SPPL2B: variants seen among roughly 807,000 people sequenced by gnomAD.
SPPL2B encodes the protein signal peptide peptidase like 2B.
In SPPL2B, 39 loss-of-function variants were observed where a neutral mutation model predicts 59.7. The observed-to-expected ratio is 0.65, with a 90% CI of 0.51 to 0.85. SPPL2B has a LOEUF of 0.85. Among genes scored for constraint, SPPL2B ranks in the 40% least tolerant of loss-of-function variants. The probability of loss-of-function intolerance (pLI) is 0.00; values close to 1 mark genes in which losing one functional copy is unlikely to be tolerated. For missense variants in SPPL2B, 865 were observed against 849.0 expected (o/e 1.02, Z -0.23); for synonymous variants, 419 against 370.8 (o/e 1.13, Z -1.49).
In SPPL2B at chr19:2,337,577, C is replaced by T. The variant is rs377050290; in HGVS notation, c.321C>T (p.Ala107=). The T allele has an allele frequency of 8.5e-5, 137 of 1,608,236 alleles. No individual in the cohort carries two copies. Among genetic ancestry groups the T allele is most frequent in the South Asian group, 2.5e-4 (23 of 90,792 alleles). Residue 107 remains alanine, a synonymous_variant, in exon 3 of 15, where the codon GCC becomes GCT. Coordinates refer to ENST00000613503, the MANE Select transcript of SPPL2B (RefSeq NM_152988.3). ...NCTFYEKVRL[A]QGSGARGLLI... Reference sequence around the variant, plus strand: ...CCTTCTATGAGAAAGTGAGGCTGGCCCAGGGCAGCGGAGCACGCGGGCTGC... The same window carrying T: ...CCTTCTATGAGAAAGTGAGGCTGGCTCAGGGCAGCGGAGCACGCGGGCTGC...
intron 2 of SPPL2B, among the ~76,000 whole-genome samples, chr19:2,335,110 A>G (rs185829826): frequency 5.0e-4 from 76 of 152,060 alleles, no homozygotes; most frequent in African/African-American, 1.8e-3. Flanking sequence ...GGGCACTAAC[A>G]CCTGCTGCTG....
rs587638484 is a variant in SPPL2B at position 2,340,152 on chromosome 19, G to T, written c.819G>T (p.Arg273=). 0.013 allele frequency: 20,264 copies of T among 1,575,588 alleles called. 2,146 individuals are homozygous for T. In the African/African-American group the frequency reaches 0.23, roughly 18 times the overall value. Reference sequence around the variant, plus strand: ...GCTGCCTGGCGCCCTGTGTGCGGCGGCTGCCCTTCGGCAAGTGCAGGTGAG... The same window carrying T: ...GCTGCCTGGCGCCCTGTGTGCGGCGTCTGCCCTTCGGCAAGTGCAGGTGAG... ...LYSCLAPCVR[R]LPFGKCRIPN... Residue 273 remains arginine, a synonymous_variant, in exon 7 of 15, where the codon CGG becomes CGT. Coordinates refer to ENST00000613503, the MANE Select transcript of SPPL2B (RefSeq NM_152988.3).
At chr19:2,333,479 C>T (rs971981729) in intron 1 of SPPL2B, among the ~76,000 whole-genome samples, 1 of 152,180 alleles carries the variant, frequency 6.6e-6, no homozygotes, top group Non-Finnish European at 1.5e-5. Flanking sequence ...TTGTGGAATC[C>T]GTCTTTCCTC....
chr19:2,333,505 T>A (rs1968399691), intron 1 of SPPL2B, among the ~76,000 whole-genome samples: 1 of 152,186 alleles, frequency 6.6e-6, no homozygotes, highest in Admixed American at 6.5e-5. Context: ...TCCATCCTGC[T>A]CTGTTAAGCA....
At position 2,352,987 on chromosome 19, in the gene SPPL2B, C is replaced by T. The variant is rs758182651; in HGVS notation, c.1557C>T (p.Asp519=). Reference sequence around the variant, plus strand: ...CTCCGTGGGCCCCAGCACCAGCCGACGGCCCGCAGCCTCCCAAAGACTCTG... The same window carrying T: ...CTCCGTGGGCCCCAGCACCAGCCGATGGCCCGCAGCCTCCCAAAGACTCTG... The part of the protein sequence containing the change: ...PPSPWAPAPA[D]GPQPPKDSAT... Residue 519 remains aspartate (D), a synonymous_variant, in exon 15 of 15, where the codon GAC becomes GAT. Transcript: ENST00000613503. The T allele has an allele frequency of 1.1e-5, 18 of 1,612,098 alleles. No individual in the cohort carries two copies. The highest frequency in any genetic ancestry group is 2.7e-5 in the African/African-American group (2 of 74,906).
rs372179394 is a variant in SPPL2B, at chr19:2,352,937, C to A, written c.1516-9C>A. 6 of 1,612,056 alleles carry A rather than the reference C, an allele frequency of 3.7e-6. No individual in the cohort carries two copies. The highest frequency in any genetic ancestry group is 4.2e-6 in the Non-Finnish European group (5 of 1,179,638). The stretch of plus-strand genomic sequence containing the variant: ...TCTCCGCCTCACCTCTGCCTCCCTT[C>A]TCCTGTAGAAAGTCCTACCTCCATC... On this transcript the variant is annotated splice_polypyrimidine_tract_variant and intron_variant, in intron 14 of 14. Coordinates refer to ENST00000613503, the MANE Select transcript of SPPL2B (RefSeq NM_152988.3).
At chr19:2,339,796 G>GCCCCACGA (rs1968905077) in intron 5 of SPPL2B, 28 bp from the exon 6 acceptor site, 2 of 1,596,496 alleles carry the variant, frequency 1.3e-6, no homozygotes, top group Non-Finnish European at 1.7e-6. Flanking sequence ...CGGCCCCAGG[G>GCCCCACGA]CCCCACGACC....
At position 2,344,611 on chromosome 19, in the gene SPPL2B, G is replaced by T. The variant is rs767917138; in HGVS notation, c.1235G>T (p.Arg412Leu). ...TCCTCACCTCTGGCCCTGTGTGACC[G>T]GCCCTTCTCCCTCCTGGGTTTCGGA... The part of the protein sequence containing the change: ...LNSSPLALCD[R>L]PFSLLGFGDI... The change falls in exon 12 of 15, where the codon CGG becomes CTG. Residue 412 changes from arginine to leucine, a missense_variant. By Grantham distance (102) the Arg-to-Leu change is moderately radical (BLOSUM62 -2). Coordinates refer to ENST00000613503, the MANE Select transcript of SPPL2B (RefSeq NM_152988.3). The T allele has an allele frequency of 1.9e-6, 3 of 1,613,082 alleles. No homozygotes were observed. In the South Asian group the frequency reaches 3.3e-5, roughly 18 times the overall value.
chr19:2,345,403 C>T, intron 13 of SPPL2B, 73 bp downstream of exon 13: 2 of 1,312,720 alleles, frequency 1.5e-6, no homozygotes, highest in Non-Finnish European at 2.2e-6. Flanking sequence ...CTGTCCTGAC[C>T]CTGACCCCTA....
rs1968915455 is a variant in SPPL2B, at chr19:2,339,901, C to T, written c.677C>T (p.Thr226Ile). Residue 226 changes from threonine to isoleucine, a missense_variant, in exon 6 of 15, where the codon ACC becomes ATC. Physicochemically the swap from Thr to Ile is moderately conservative, Grantham distance 89. Coordinates refer to ENST00000613503, the MANE Select transcript of SPPL2B (RefSeq NM_152988.3). ...GCGGTGGACGTGACGCCGGTGATGA[C>T]CTGCGTGTTTGTGGTGATGTGCTGC... ...DEAVDVTPVM[T>I]CVFVVMCCSM... 8.8e-6 allele frequency: 14 copies of T among 1,582,608 alleles called. No individual in the cohort carries two copies. Among genetic ancestry groups the T allele is most frequent in the Non-Finnish European group, 9.4e-6 (11 of 1,164,444 alleles).
chr19:2,337,358 G>T, intron 2 of SPPL2B, 85 bp from the exon 3 acceptor site: 2 of 1,317,594 alleles, frequency 1.5e-6, no homozygotes, highest in Non-Finnish European at 1.1e-6. Context: ...CTAACTCAGC[G>T]CAGGCTTCAG....
intron 7 of SPPL2B, among the ~76,000 whole-genome samples, 188 bp from the exon 8 acceptor site, chr19:2,340,710 C>T (rs1009030415): frequency 2.6e-5 from 4 of 151,996 alleles, no homozygotes; most frequent in African/African-American, 9.7e-5. Flanking sequence ...AGCGCCTGCC[C>T]GGGTCGGGCT....
chr19:2,339,670 G>A, intron 5 of SPPL2B, 154 bp from the exon 6 acceptor site: 1 of 814,740 alleles, frequency 1.2e-6, no homozygotes, highest in South Asian at 1.7e-5. Context: ...CTCTGCCCTG[G>A]GGACGTTCGG....
intron 13 of SPPL2B, among the ~76,000 whole-genome samples, chr19:2,350,641 T>C (rs937200103): frequency 6.6e-6 from 1 of 152,298 alleles, no homozygotes; most frequent in African/African-American, 2.4e-5. Context: ...TTATCTGTAC[T>C]GAACACATGC....
intron 4 of SPPL2B, 101 bp downstream of exon 4, chr19:2,338,942 G>T: frequency 6.7e-7 from 1 of 1,500,716 alleles, no homozygotes; most frequent in South Asian, 1.2e-5. Flanking sequence ...TGGGATCAGG[G>T]TGGTGGGTGA....
intron 8 of SPPL2B, chr19:2,341,738 A>G (rs555982011): frequency 5.1e-6 from 2 of 394,914 alleles, no homozygotes; most frequent in East Asian, 7.6e-5. Flanking sequence ...CTTTGTACAC[A>G]AAGAGAAAAT....
At chr19:2,348,964 C>A (rs555691365) in intron 13 of SPPL2B, among the ~76,000 whole-genome samples, 15 of 147,822 alleles carry the variant, frequency 1.0e-4, no homozygotes, top group African/African-American at 3.8e-4. Context: ...CGCTGTCATT[C>A]GCTTGATTCC....
At chr19:2,349,147 GCT>G (rs1969720081) in intron 13 of SPPL2B, among the ~76,000 whole-genome samples, 1 of 78,500 alleles carries the variant, frequency 1.3e-5, no homozygotes, top group African/African-American at 5.6e-5. Context: ...GTTCTCATTC[GCT>G]TGATTCCATT....
chr19:2,344,648 GC>G lies in SPPL2B; in HGVS notation c.1274del (p.Pro425GlnfsTer35). On this transcript the variant is annotated frameshift_variant, in exon 12 of 15. Transcript: ENST00000613503. LOFTEE classifies it high-confidence loss of function. ...SLLGFGDILV[P>X]GLLVAYCHRF... ...TCCTGGGTTTCGGAGACATTTTGGT[GC>G]CAGGTACTGAGGCGGGTGGAGCACA... The G allele has an allele frequency of 6.2e-7, 1 of 1,605,954 alleles. No individual in the cohort carries two copies. Among genetic ancestry groups the G allele is most frequent in the South Asian group, 1.1e-5 (1 of 90,630 alleles).
Sources: gnomAD v4.1 joint callset for allele counts (sites outside exome capture counted in the v4.1 genomes callset) on GRCh38, gnomAD v4.1.1 for gene constraint, MANE v1.5 for transcripts, NCBI Gene and HGNC (gene_info 2026-07-23, HGNC 2026-07-21) for gene names.